Variants in CTNND2 observed in about 807,000 individuals in gnomAD.
CTNND2 encodes the protein catenin delta-2.
Under a neutral mutation model 144.4 loss-of-function variants are expected in CTNND2, and 22 were observed. The observed-to-expected ratio is 0.15, with a 90% CI of 0.11 to 0.22. CTNND2 has a LOEUF of 0.22. CTNND2 is among the 10% of genes least tolerant of loss of function. The pLI, the probability that CTNND2 is intolerant of heterozygous loss-of-function variation, is 1.00. For synonymous variants in CTNND2, 751 were observed against 695.6 expected (o/e 1.08, Z -1.25); for missense variants, 1,353 against 1,618.8 (o/e 0.84, Z 2.82).
At chr5:11,368,801 A>G (rs1039193876) in intron 7 of CTNND2, among the ~76,000 whole-genome samples, 3 of 152,228 alleles carry the variant, frequency 2.0e-5, no homozygotes, top group African/African-American at 7.2e-5. Context: ...CAGGAAACAC[A>G]CCAAACTCTT....
chr5:11,618,805 T>G (rs1160702766), intron 2 of CTNND2, among the ~76,000 whole-genome samples: 1 of 152,214 alleles, frequency 6.6e-6, no homozygotes, highest in Non-Finnish European at 1.5e-5. Context: ...TTACATATAT[T>G]GAGTATCATT....
chr5:11,375,502 T>A (rs1227776656), intron 7 of CTNND2, among the ~76,000 whole-genome samples: 1 of 152,212 alleles, frequency 6.6e-6, no homozygotes, highest in Non-Finnish European at 1.5e-5. Flanking sequence ...AAATTTTCCT[T>A]TGATTCTTTT....
At chr5:11,502,993 C>A (rs1450655508) in intron 3 of CTNND2, among the ~76,000 whole-genome samples, 2 of 152,180 alleles carry the variant, frequency 1.3e-5, no homozygotes, top group Non-Finnish European at 2.9e-5. Context: ...CCACAGTCAG[C>A]ATATACAAAT....
In CTNND2 at chr5:11,723,497, T is replaced by C. The variant is rs1031634235; in HGVS notation, c.174+8639A>G. Among the ~76,000 whole-genome samples, 3 of 152,166 alleles carry C rather than the reference T, an allele frequency of 2.0e-5. No individual in the cohort carries two copies. The East Asian group carries it at 5.8e-4, about 29-fold the overall frequency. ...AACCATTAAAGTAAGGGAAAAAGCA[T>C]ATGATCAATGTAACACTGGAAATGA... On this transcript the variant is annotated intron_variant, in intron 2 of 21. Transcript: ENST00000304623.
intron 2 of CTNND2, among the ~76,000 whole-genome samples, chr5:11,596,531 G>A (rs1017493857): frequency 2.0e-5 from 3 of 152,134 alleles, no homozygotes; most frequent in Non-Finnish European, 4.4e-5. Context: ...ATATTTATTT[G>A]CAAAGAGAAA....
chr5:11,211,121 G>A (rs1450397689), intron 10 of CTNND2, among the ~76,000 whole-genome samples: 1 of 152,176 alleles, frequency 6.6e-6, no homozygotes, highest in Non-Finnish European at 1.5e-5. Flanking sequence ...AGTCAGAGAA[G>A]GAAGAAAGGA....
At chr5:11,653,924 T>A (rs776343649) in intron 2 of CTNND2, among the ~76,000 whole-genome samples, 5 of 152,044 alleles carry the variant, frequency 3.3e-5, no homozygotes, top group Non-Finnish European at 7.4e-5. Flanking sequence ...TATGTATGGT[T>A]TAAGATTAAG....
intron 2 of CTNND2, among the ~76,000 whole-genome samples, chr5:11,628,604 C>T (rs1781270023): frequency 6.6e-6 from 1 of 152,110 alleles, no homozygotes; most frequent in African/African-American, 2.4e-5. Context: ...CTACTGATTC[C>T]CAAAGCCGTC....
intron 16 of CTNND2, among the ~76,000 whole-genome samples, chr5:11,024,252 G>T (rs1447518811): frequency 1.3e-5 from 2 of 152,128 alleles, no homozygotes; most frequent in African/African-American, 4.8e-5. Context: ...GCTTATTTTA[G>T]CTTAGAGAGA....
chr5:11,040,187 A>C (rs1446729378), intron 16 of CTNND2, among the ~76,000 whole-genome samples: 1 of 152,196 alleles, frequency 6.6e-6, no homozygotes, highest in Non-Finnish European at 1.5e-5. Flanking sequence ...TGGAGGTTGC[A>C]GTGAGCTGAG....
At chr5:11,360,131 A>G (rs1410884141) in intron 8 of CTNND2, among the ~76,000 whole-genome samples, 1 of 152,202 alleles carries the variant, frequency 6.6e-6, no homozygotes, top group Non-Finnish European at 1.5e-5. Context: ...ATTAGTCTTC[A>G]TAATAAAGTA....
At chr5:11,431,850 G>C (rs1024882564) in intron 3 of CTNND2, among the ~76,000 whole-genome samples, 1 of 152,168 alleles carries the variant, frequency 6.6e-6, no homozygotes, top group Non-Finnish European at 1.5e-5. Flanking sequence ...GTTTGGGCTA[G>C]TTTGGTAAAG....
At chr5:11,864,075 G>A (rs965705782) in intron 1 of CTNND2, among the ~76,000 whole-genome samples, 10 of 152,150 alleles carry the variant, frequency 6.6e-5, no homozygotes, top group African/African-American at 1.9e-4. Flanking sequence ...CTCTGCTCAG[G>A]TCAGTGTGTC....
chr5:11,414,928 T>C (rs1761820070), intron 3 of CTNND2, among the ~76,000 whole-genome samples: 1 of 152,232 alleles, frequency 6.6e-6, no homozygotes, highest in Non-Finnish European at 1.5e-5. Context: ...AAGGACATGA[T>C]CTCATCCTTT....
intron 3 of CTNND2, among the ~76,000 whole-genome samples, chr5:11,462,246 T>C (rs61758952): frequency 0.013 from 1,908 of 152,192 alleles, 21 homozygotes; most frequent in South Asian, 0.038. Flanking sequence ...TAGTTCCAAT[T>C]TTATGGTCTA....
chr5:11,177,416 G>T (rs540561119), intron 11 of CTNND2, among the ~76,000 whole-genome samples: 1 of 152,178 alleles, frequency 6.6e-6, no homozygotes, highest in South Asian at 2.1e-4. Flanking sequence ...GACACCCATT[G>T]TTCTTAGACA....
chr5:11,721,156 G>A (rs1786654622), intron 2 of CTNND2, among the ~76,000 whole-genome samples: 2 of 152,144 alleles, frequency 1.3e-5, no homozygotes, highest in Admixed American at 6.5e-5. Context: ...AAATCCCGAT[G>A]CATGCCACAA....
intron 16 of CTNND2, among the ~76,000 whole-genome samples, chr5:11,058,275 G>A (rs1007703773): frequency 1.3e-5 from 2 of 152,180 alleles, no homozygotes; most frequent in Non-Finnish European, 2.9e-5. Context: ...AGGCCTAGGA[G>A]GAAAAAGTGA....
chr5:11,586,725 C>A (rs764378987), intron 2 of CTNND2, among the ~76,000 whole-genome samples: 6 of 152,070 alleles, frequency 3.9e-5, no homozygotes, highest in Admixed American at 1.3e-4. Flanking sequence ...GTCAAATGGG[C>A]AAATATATAT....
Sources: gnomAD v4.1 joint callset for allele counts (sites outside exome capture counted in the v4.1 genomes callset) on GRCh38, gnomAD v4.1.1 for gene constraint, MANE v1.5 for transcripts, NCBI Gene and HGNC (gene_info 2026-07-23, HGNC 2026-07-21) for gene names.